The following GOLPH3L variants were observed in gnomAD, a reference collection of about 807,000 sequenced individuals.
GOLPH3L encodes Golgi phosphoprotein 3-like.
In GOLPH3L, 22 loss-of-function variants were observed where a neutral mutation model predicts 30.3. The observed-to-expected ratio is 0.73, with a 90% CI of 0.52 to 1.04. The LOEUF (loss-of-function observed/expected upper bound fraction) is 1.04. Among genes scored for constraint, GOLPH3L ranks in the 50% least tolerant of loss-of-function variants. The pLI, the probability that GOLPH3L is intolerant of heterozygous loss-of-function variation, is 0.00. For synonymous variants in GOLPH3L, 120 were observed against 128.2 expected, an observed-to-expected ratio of 0.94 and a Z score of 0.43; for missense variants, 303 against 345.8, an observed-to-expected ratio of 0.88 and a Z score of 0.98.
At chr1:150,654,865 A>G (rs1650208177) in intron 4 of GOLPH3L, among the ~76,000 whole-genome samples, 1 of 152,258 alleles carries the variant, frequency 6.6e-6, no homozygotes, top group African/African-American at 2.4e-5. Context: ...AGCGGGAACG[A>G]TAAGATTACT....
At chr1:150,659,175 T>C (rs1282124175) in intron 4 of GOLPH3L, among the ~76,000 whole-genome samples, 2 of 152,256 alleles carry the variant, frequency 1.3e-5, no homozygotes, top group East Asian at 3.8e-4. Context: ...GTAGCTCACC[T>C]TGACAAAGCT....
At chr1:150,667,650 G>A (rs1650539495) in intron 2 of GOLPH3L, among the ~76,000 whole-genome samples, 1 of 148,748 alleles carries the variant, frequency 6.7e-6, no homozygotes. Context: ...CTGGAGTGCA[G>A]TGGCGCAATC....
At chr1:150,662,508 G>C (rs1306783642) in intron 3 of GOLPH3L, among the ~76,000 whole-genome samples, 1 of 152,056 alleles carries the variant, frequency 6.6e-6, no homozygotes, top group Non-Finnish European at 1.5e-5. Context: ...GAAATTTCTA[G>C]CCAATAGTTA....
chr1:150,694,371 A>G (rs1294546354), intron 2 of GOLPH3L: 4 of 299,722 alleles, frequency 1.3e-5, no homozygotes, highest in Non-Finnish European at 2.5e-5. Context: ...TTCGCCTTTA[A>G]TCTAACTTGG....
chr1:150,685,028 C>A (rs587617834), intron 2 of GOLPH3L, among the ~76,000 whole-genome samples: 3 of 152,180 alleles, frequency 2.0e-5, no homozygotes, highest in Non-Finnish European at 4.4e-5. Context: ...CTTCCTTTTG[C>A]CAGTTGGGTT....
intron 2 of GOLPH3L, among the ~76,000 whole-genome samples, chr1:150,675,224 C>G (rs141132125): frequency 1.3e-5 from 2 of 151,678 alleles, no homozygotes; most frequent in Non-Finnish European, 2.9e-5. Flanking sequence ...AATTATGTTA[C>G]GTTCAAACCT....
Position 150,648,692 on chromosome 1 carries a change from T to C in GOLPH3L, c.487A>G (p.Ile163Val), listed in dbSNP as rs1650038640. The change falls in exon 5 of 5, where the codon ATC becomes GTC. Residue 163 changes from isoleucine (I) to valine (V), a missense_variant. By Grantham distance (29) the Ile-to-Val change is conservative (BLOSUM62 3). Transcript: ENST00000271732. ...CCTTTCTCTACTAGGTTCTTTGCGA[T>C]GCGCTCTCGTACATTTCTCAGCTGG... is the stretch of plus-strand genomic sequence containing the variant. The part of the protein sequence containing the change: ...QYQLRNVRER[I>V]AKNLVEKGIL... 2 of 1,612,932 alleles carry C rather than the reference T, an allele frequency of 1.2e-6. No homozygotes were observed. Among genetic ancestry groups the C allele is most frequent in the South Asian group, 2.2e-5 (2 of 91,062 alleles).
At chr1:150,686,949 A>G (rs587633462) in intron 2 of GOLPH3L, among the ~76,000 whole-genome samples, 2 of 128,714 alleles carry the variant, frequency 1.6e-5, no homozygotes, top group East Asian at 4.4e-4. Context: ...TAAAAAACAA[A>G]AGTTAATTTT....
At chr1:150,674,701 G>A (rs1359215838) in intron 2 of GOLPH3L, among the ~76,000 whole-genome samples, 1 of 151,960 alleles carries the variant, frequency 6.6e-6, no homozygotes, top group African/African-American at 2.4e-5. Context: ...AACCAGCTTA[G>A]GCAACATACT....
rs587664411 is a variant in GOLPH3L, at chr1:150,685,512, T to G, written c.183+9144A>C. On this transcript the variant is annotated intron_variant, in intron 2 of 4. Coordinates refer to ENST00000271732, the MANE Select transcript of GOLPH3L (RefSeq NM_018178.6). ...GGTGGATCACTTGAGGTCAGGAGTT[T>G]GAGACTAGCCTGGCCAATATGGTGA... Among the ~76,000 whole-genome samples, 7 of 152,204 alleles carry G rather than the reference T, an allele frequency of 4.6e-5. No individual in the cohort carries two copies. The East Asian group carries it at 1.4e-3, about 29-fold the overall frequency.
chr1:150,663,065 T>C (rs1650406438), intron 3 of GOLPH3L, among the ~76,000 whole-genome samples: 2 of 152,006 alleles, frequency 1.3e-5, no homozygotes, highest in African/African-American at 4.8e-5. Context: ...GACGGAGTCT[T>C]GCACTGTCCC....
At chr1:150,693,227 C>G (rs930026425) in intron 2 of GOLPH3L, among the ~76,000 whole-genome samples, 1 of 151,588 alleles carries the variant, frequency 6.6e-6, no homozygotes, top group South Asian at 2.1e-4. Context: ...GGTAATTTAA[C>G]AAGAAAAAAA....
intron 1 of GOLPH3L, among the ~76,000 whole-genome samples, chr1:150,696,015 T>C (rs972653414): frequency 2.0e-5 from 3 of 152,206 alleles, no homozygotes; most frequent in Admixed American, 6.5e-5. Context: ...TTTATATAAA[T>C]CTAGATATCA....
chr1:150,691,639 C>G (rs1486024430), intron 2 of GOLPH3L, among the ~76,000 whole-genome samples: 2 of 152,120 alleles, frequency 1.3e-5, no homozygotes, highest in African/African-American at 4.8e-5. Context: ...TTTTCCTTCC[C>G]CTATCCCTTA....
intron 2 of GOLPH3L, among the ~76,000 whole-genome samples, chr1:150,665,046 C>T (rs1284098859): frequency 1.3e-5 from 2 of 152,028 alleles, no homozygotes; most frequent in African/African-American, 4.8e-5. Flanking sequence ...CGTTTAATTA[C>T]TAATGTCTAT....
At position 150,675,779 on chromosome 1, in the gene GOLPH3L, C is replaced by CA. The variant is rs58158655; in HGVS notation, c.184-12017dup. 1.4e-3 allele frequency among the ~76,000 whole-genome samples: 70 copies of CA among 49,284 alleles called. 6 individuals carry two copies. The highest frequency in any genetic ancestry group is 2.8e-3 in the African/African-American group (29 of 10,516). The allele number at this position is 49,284 out of a possible 152,430, so 32.3% of individuals were successfully genotyped here. ...CGACAGAGTAAGAGAGACTCTGTCT[C>CA]AAAAAAAAAAAAAAAAAAAAAAAAA... On this transcript the variant is annotated intron_variant, in intron 2 of 4. Transcript: ENST00000271732.
intron 4 of GOLPH3L, among the ~76,000 whole-genome samples, chr1:150,650,001 A>G (rs1650069315): frequency 6.6e-6 from 1 of 152,110 alleles, no homozygotes; most frequent in Non-Finnish European, 1.5e-5. Flanking sequence ...AATGAAAAAT[A>G]AAAAATAAAA....
intron 2 of GOLPH3L, among the ~76,000 whole-genome samples, chr1:150,686,724 C>T (rs1651094587): frequency 6.6e-6 from 1 of 152,132 alleles, no homozygotes; most frequent in African/African-American, 2.4e-5. Flanking sequence ...ATCCCAAATT[C>T]AAGTGGGCAG....
intron 2 of GOLPH3L, among the ~76,000 whole-genome samples, chr1:150,677,112 C>A (rs1650823499): frequency 6.8e-6 from 1 of 147,412 alleles, no homozygotes; most frequent in Non-Finnish European, 1.5e-5. Context: ...ACTCTGTCAC[C>A]CAAGCTGGAG....
Sources: gnomAD v4.1 joint callset for allele counts (sites outside exome capture counted in the v4.1 genomes callset) on GRCh38, gnomAD v4.1.1 for gene constraint, MANE v1.5 for transcripts, NCBI Gene and HGNC (gene_info 2026-07-23, HGNC 2026-07-21) for gene names.